The following PMEPA1 variants were observed in gnomAD, a reference collection of about 807,000 sequenced individuals.
The protein encoded by PMEPA1 is protein TMEPAI.
In PMEPA1, 11 loss-of-function variants were observed where a neutral mutation model predicts 23.0. The ratio of observed to expected loss-of-function variants is 0.48; its 90% confidence interval spans 0.30 to 0.79. PMEPA1 has a LOEUF of 0.79. Ranked by LOEUF, PMEPA1 falls within the 30% of genes least tolerant of loss-of-function variation. PMEPA1 has a pLI of 0.06. For missense variants in PMEPA1, 377 were observed against 390.9 expected (o/e 0.96, Z 0.30); for synonymous variants, 204 against 166.4 (o/e 1.23, Z -1.74).
chr20:57,667,452 G>A (rs1048852691), intron 1 of PMEPA1, among the ~76,000 whole-genome samples: 3 of 152,148 alleles, frequency 2.0e-5, no homozygotes, highest in African/African-American at 7.2e-5. Flanking sequence ...CAACAATGGG[G>A]TGCTGGGGCT....
intron 1 of PMEPA1, among the ~76,000 whole-genome samples, chr20:57,661,393 G>C (rs1405805063): frequency 6.6e-6 from 1 of 152,212 alleles, no homozygotes; most frequent in Non-Finnish European, 1.5e-5. Flanking sequence ...CGGGGCCAAA[G>C]CTCCTCCAGC....
chr20:57,687,103 G>A (rs1432427087), intron 1 of PMEPA1, among the ~76,000 whole-genome samples: 2 of 152,256 alleles, frequency 1.3e-5, no homozygotes, highest in East Asian at 3.8e-4. Flanking sequence ...TCTGCCGTCT[G>A]TGGGCACAGC....
intron 1 of PMEPA1, among the ~76,000 whole-genome samples, chr20:57,696,875 C>G (rs1049214872): frequency 5.3e-5 from 8 of 152,234 alleles, no homozygotes; most frequent in Non-Finnish European, 1.0e-4. Flanking sequence ...GTGCACATTT[C>G]CGTTTACACC....
rs577194341 is a variant in PMEPA1 at position 57,684,832 on chromosome 20, T to C, written c.109+24642A>G. Among the ~76,000 whole-genome samples, 12 of 118,376 alleles carry C rather than the reference T, an allele frequency of 1.0e-4. No individual in the cohort carries two copies. In the South Asian group the frequency reaches 2.4e-3, roughly 24 times the overall value. The allele number at this position is 118,376 out of a possible 152,430, so 77.7% of individuals were successfully genotyped here. On this transcript the variant is annotated intron_variant, in intron 1 of 3. Transcript: ENST00000341744. ...CAAAAGGAGGAGCTGTAAGAAGAAA[T>C]GGGGGAAGTTGTGGGGAGGAGCTGG...
chr20:57,688,006 CT>C (rs1390589388), intron 1 of PMEPA1, among the ~76,000 whole-genome samples: 1 of 152,208 alleles, frequency 6.6e-6, no homozygotes, highest in Non-Finnish European at 1.5e-5. Context: ...CCCTCTTCCC[CT>C]CTCACTGTGA....
intron 1 of PMEPA1, among the ~76,000 whole-genome samples, chr20:57,703,235 C>T (rs932658411): frequency 1.4e-4 from 21 of 152,268 alleles, no homozygotes; most frequent in African/African-American, 4.6e-4. Flanking sequence ...CCGGCCCTCC[C>T]CCGCTGCACC....
Position 57,682,146 on chromosome 20 carries a change from G to C in PMEPA1, c.110-22449C>G, listed in dbSNP as rs1004888746. Among the ~76,000 whole-genome samples, 2 of 152,238 alleles carry C rather than the reference G, an allele frequency of 1.3e-5. No individual in the cohort carries two copies. Among genetic ancestry groups the C allele is most frequent in the African/African-American group, 4.8e-5 (2 of 41,456 alleles). On this transcript the variant is annotated intron_variant, in intron 1 of 3. Coordinates refer to ENST00000341744, the MANE Select transcript of PMEPA1 (RefSeq NM_020182.5). This position sits in a 1 kb window ranked among gnomAD's most constrained non-coding sequence, Gnocchi z 4.4. ...TCACCTACTGGATAAATGAACAGAA[G>C]ATGGGTGATTCGCCCAAATACCGGG...
intron 1 of PMEPA1, among the ~76,000 whole-genome samples, chr20:57,696,418 G>C (rs1350658126): frequency 6.6e-6 from 1 of 152,188 alleles, no homozygotes; most frequent in Non-Finnish European, 1.5e-5. Context: ...CCCACCCTGT[G>C]CCAAGACACT....
chr20:57,689,806 C>A (rs1042691616), intron 1 of PMEPA1, among the ~76,000 whole-genome samples: 2 of 152,186 alleles, frequency 1.3e-5, no homozygotes, highest in African/African-American at 4.8e-5. Context: ...AAAAGAGAGG[C>A]TGTGGCCTTT....
rs1466824616 is a variant in PMEPA1, at chr20:57,651,317, G to C, written c.*736C>G. The C allele has an allele frequency of 1.3e-5, 2 of 152,588 alleles. No homozygotes were observed. The highest frequency in any genetic ancestry group is 4.1e-4 in the South Asian group (2 of 4,830). 9.5% of individuals were successfully genotyped at this position (152,588 alleles called of 1,614,324 possible). The stretch of plus-strand genomic sequence containing the variant: ...GCCAAGGCCTCTCTGCAGACTCCAC[G>C]GGGGCTCACCCTCTGCCGTCAGGCG... On this transcript the variant is annotated 3_prime_UTR_variant, in exon 4 of 4. Transcript: ENST00000341744.
intron 1 of PMEPA1, among the ~76,000 whole-genome samples, chr20:57,703,139 A>G (rs147247029): frequency 0.011 from 1,724 of 152,360 alleles, 25 homozygotes; most frequent in African/African-American, 0.039. Context: ...GCACTGTCAC[A>G]GCTTCACAGA....
intron 1 of PMEPA1, among the ~76,000 whole-genome samples, chr20:57,676,686 A>T (rs1277840641): frequency 6.6e-6 from 1 of 152,140 alleles, no homozygotes; most frequent in African/African-American, 2.4e-5. Flanking sequence ...CCTGCCCTCG[A>T]GGGGCGGAGC....
chr20:57,672,036 G>C (rs761172976), intron 1 of PMEPA1, among the ~76,000 whole-genome samples: 1 of 152,178 alleles, frequency 6.6e-6, no homozygotes, highest in African/African-American at 2.4e-5. Context: ...CATTTTTATA[G>C]CAAAAATGAG....
intron 1 of PMEPA1, among the ~76,000 whole-genome samples, chr20:57,695,070 C>G (rs1020566157): frequency 1.7e-4 from 26 of 152,258 alleles, no homozygotes; most frequent in Non-Finnish European, 3.5e-4. Flanking sequence ...GCCCAGGACA[C>G]GAAGCTCCAC....
intron 1 of PMEPA1, 74 bp from the exon 2 acceptor site, chr20:57,659,771 A>G: frequency 7.0e-7 from 1 of 1,433,804 alleles, no homozygotes; most frequent in Non-Finnish European, 9.5e-7. Flanking sequence ...AGCCCTTTTG[A>G]GCTTTTTCAC....
At chr20:57,707,374 G>C (rs1208138177) in intron 1 of PMEPA1, among the ~76,000 whole-genome samples, 3 of 152,198 alleles carry the variant, frequency 2.0e-5, no homozygotes, top group African/African-American at 7.2e-5. Context: ...TTAAAGACTG[G>C]TTGGTTCCCT....
intron 1 of PMEPA1, among the ~76,000 whole-genome samples, chr20:57,677,204 C>A (rs157092): frequency 6.6e-6 from 1 of 152,038 alleles, no homozygotes; most frequent in Admixed American, 6.5e-5. Context: ...TGGTCAGGAG[C>A]ATGGATTATT....
At chr20:57,671,257 A>G (rs2071563839) in intron 1 of PMEPA1, among the ~76,000 whole-genome samples, 1 of 152,230 alleles carries the variant, frequency 6.6e-6, no homozygotes, top group African/African-American at 2.4e-5. Context: ...GTGAGCGAGC[A>G]GTCAGTGGAC....
intron 1 of PMEPA1, among the ~76,000 whole-genome samples, chr20:57,700,959 GGTAGAGGTTGCA>G: frequency 6.6e-6 from 1 of 152,004 alleles, no homozygotes. Flanking sequence ...GAACCCGGGA[GGTAGAGGTTGCA>G]GTGAGCTGAG....
Sources: gnomAD v4.1 joint callset for allele counts (sites outside exome capture counted in the v4.1 genomes callset) on GRCh38, gnomAD v4.1.1 for gene constraint, Gnocchi (gnomAD v3.1) non-coding constraint, MANE v1.5 for transcripts, NCBI Gene and HGNC (gene_info 2026-07-23, HGNC 2026-07-21) for gene names.